The following PIBF1 variants were observed in gnomAD, a reference collection of about 807,000 sequenced individuals.
PIBF1 encodes progesterone immunomodulatory binding factor 1.
PIBF1 carries 90 observed loss-of-function variants against 112.5 expected under a neutral mutation model. That is an observed-to-expected ratio of 0.80 (90% confidence interval 0.67 to 0.95). The LOEUF (loss-of-function observed/expected upper bound fraction) is 0.95, where lower values mean the gene tolerates loss of function less well. Ranked by LOEUF, PIBF1 falls within the 40% of genes least tolerant of loss-of-function variation. PIBF1 has a pLI of 0.00. For synonymous variants in PIBF1, 301 were observed against 288.6 expected, an observed-to-expected ratio of 1.04 and a Z score of -0.44; for missense variants, 915 against 852.3, an observed-to-expected ratio of 1.07 and a Z score of -0.92.
rs139891552 is a variant in PIBF1 at position 72,805,548 on chromosome 13, T to G, written c.672+7522T>G. ...AAATATTTTATTCTTCAACTCATAC[T>G]TATTTAAGGTTGGATATTTTAAGAT... On this transcript the variant is annotated intron_variant, in intron 5 of 17. Coordinates refer to ENST00000326291, the MANE Select transcript of PIBF1 (RefSeq NM_006346.4). 6.9e-3 allele frequency among the ~76,000 whole-genome samples: 1,052 copies of G among 152,332 alleles called. 15 individuals carry two copies. Among genetic ancestry groups the G allele is most frequent in the African/African-American group, 0.024 (1,015 of 41,574 alleles).
At chr13:72,893,758 T>G (rs2040149120) in intron 10 of PIBF1, 26 bp from the exon 11 acceptor site, 4 of 1,424,224 alleles carry the variant, frequency 2.8e-6, no homozygotes, top group Non-Finnish European at 2.8e-6. Flanking sequence ...TTCTTTAGAG[T>G]GTCATAACCA....
intron 15 of PIBF1, chr13:72,970,647 A>G (rs565377530): frequency 6.6e-6 from 1 of 152,336 alleles, no homozygotes; most frequent in East Asian, 1.9e-4. Context: ...AGATGTGCTT[A>G]CAAGGAGATT....
chr13:72,788,733 G>A (rs938849798), intron 2 of PIBF1, among the ~76,000 whole-genome samples: 7 of 152,186 alleles, frequency 4.6e-5, no homozygotes, highest in Admixed American at 1.3e-4. Flanking sequence ...AAGCTAACTG[G>A]ACATGTTGTT....
intron 9 of PIBF1, among the ~76,000 whole-genome samples, chr13:72,839,199 A>G (rs1012841331): frequency 2.0e-5 from 3 of 152,204 alleles, no homozygotes; most frequent in Middle Eastern, 3.2e-3. Context: ...GTGATAATGG[A>G]ACTGGATTAG....
chr13:72,948,081 G>A (rs186501485), intron 14 of PIBF1, among the ~76,000 whole-genome samples: 64 of 152,192 alleles, frequency 4.2e-4, no homozygotes, highest in African/African-American at 1.4e-3. Context: ...CCTGTCTCGG[G>A]GTGGGGAGCT....
chr13:72,927,994 C>CACATATATAT lies in PIBF1; in HGVS notation c.1731-3139_1731-3130dup, dbSNP rs1286319056. On this transcript the variant is annotated intron_variant, in intron 13 of 17. Coordinates refer to ENST00000326291, the MANE Select transcript of PIBF1 (RefSeq NM_006346.4). ...ATATATATACATATATATATACACA[C>CACATATATAT]ACATATATATACATATATATACATA... 5.3e-4 allele frequency among the ~76,000 whole-genome samples: 42 copies of CACATATATAT among 79,946 alleles called. 1 individual carries two copies. The highest frequency in any genetic ancestry group is 2.5e-3 in the Admixed American group (17 of 6,706). 52.4% of individuals were successfully genotyped at this position (79,946 alleles called of 152,430 possible). A position where few individuals can be genotyped will look rare whatever the true frequency, so the allele number is the denominator to read the frequency against.
At chr13:72,866,879 A>G (rs894747789) in intron 10 of PIBF1, among the ~76,000 whole-genome samples, 1 of 152,098 alleles carries the variant, frequency 6.6e-6, no homozygotes, top group Admixed American at 6.6e-5. Context: ...TCTTTGTATT[A>G]TATATCCCAG....
At chr13:72,798,159 A>G (rs767247236) in intron 5 of PIBF1, 133 bp downstream of exon 5, 109 of 850,958 alleles carry the variant, frequency 1.3e-4, no homozygotes, top group Non-Finnish European at 1.8e-4. Flanking sequence ...CTACAGTTCA[A>G]TAATGGGAAG....
At chr13:72,893,383 T>G (rs1034492856) in intron 10 of PIBF1, among the ~76,000 whole-genome samples, 4 of 152,152 alleles carry the variant, frequency 2.6e-5, no homozygotes, top group African/African-American at 9.7e-5. Context: ...TTTCATTGCT[T>G]TCTTCTCCAT....
chr13:72,879,987 A>G (rs941082301), intron 10 of PIBF1, among the ~76,000 whole-genome samples: 4 of 152,094 alleles, frequency 2.6e-5, no homozygotes, highest in African/African-American at 9.7e-5. Flanking sequence ...TAAAATACTT[A>G]CTCTTTGGTC....
intron 14 of PIBF1, among the ~76,000 whole-genome samples, chr13:72,955,156 A>G (rs540194212): frequency 2.0e-5 from 3 of 152,226 alleles, no homozygotes; most frequent in Non-Finnish European, 4.4e-5. Flanking sequence ...TTTATCTTCC[A>G]TATGAATGGC....
intron 17 of PIBF1, among the ~76,000 whole-genome samples, chr13:73,008,633 C>T (rs761522546): frequency 6.6e-6 from 1 of 151,916 alleles, no homozygotes; most frequent in East Asian, 1.9e-4. Flanking sequence ...GACTATAAAC[C>T]GACAAACAAA....
chr13:72,782,531 G>T (rs1046017630), intron 1 of PIBF1, among the ~76,000 whole-genome samples, 182 bp downstream of exon 1: 3 of 152,124 alleles, frequency 2.0e-5, no homozygotes, highest in African/African-American at 7.2e-5. Context: ...TCAAAAAGAA[G>T]GAGGGAGGCC....
intron 5 of PIBF1, among the ~76,000 whole-genome samples, chr13:72,821,541 T>C (rs572718684): frequency 6.6e-6 from 1 of 152,330 alleles, no homozygotes; most frequent in East Asian, 1.9e-4. Flanking sequence ...ACTCAGTAAA[T>C]GTTTTTAAAA....
In PIBF1 at chr13:72,810,085, G is replaced by A. The variant is rs966035807; in HGVS notation, c.673-11764G>A. On this transcript the variant is annotated intron_variant, in intron 5 of 17. Coordinates refer to ENST00000326291, the MANE Select transcript of PIBF1 (RefSeq NM_006346.4). ...GAGTTTATTTAAAAGTGTCAGTAAT[G>A]TAGTCTAATTCTGGCTTATTTTGAG... Among the ~76,000 whole-genome samples the A allele has an allele frequency of 3.3e-5, 5 of 152,276 alleles. No homozygotes were observed. The East Asian group carries it at 9.6e-4, about 29-fold the overall frequency.
intron 17 of PIBF1, among the ~76,000 whole-genome samples, chr13:73,005,482 A>G (rs1388452805): frequency 6.6e-6 from 1 of 151,622 alleles, no homozygotes; most frequent in African/African-American, 2.4e-5. Flanking sequence ...TCAAAATAAT[A>G]TATATAAAAT....
At chr13:73,013,027 C>T (rs1395636510) in intron 17 of PIBF1, among the ~76,000 whole-genome samples, 5 of 151,126 alleles carry the variant, frequency 3.3e-5, no homozygotes, top group Admixed American at 6.6e-5. Context: ...AAGGGCCGGG[C>T]GCGGTGGCTC....
chr13:72,962,539 G>A (rs1453249805), intron 14 of PIBF1, among the ~76,000 whole-genome samples: 1 of 151,652 alleles, frequency 6.6e-6, no homozygotes, highest in Admixed American at 6.6e-5. Context: ...GTAGGCTGCA[G>A]TGAGCCATGA....
At chr13:72,858,088 G>A (rs536857873) in intron 10 of PIBF1, among the ~76,000 whole-genome samples, 41 of 151,158 alleles carry the variant, frequency 2.7e-4, no homozygotes. Context: ...GTCTCACTCT[G>A]TTGCCCAGTC....
Sources: gnomAD v4.1 joint callset for allele counts (sites outside exome capture counted in the v4.1 genomes callset) on GRCh38, gnomAD v4.1.1 for gene constraint, MANE v1.5 for transcripts, NCBI Gene and HGNC (gene_info 2026-07-23, HGNC 2026-07-21) for gene names.